Variants in SLC2A9 observed in about 807,000 individuals in gnomAD.
SLC2A9 encodes the protein solute carrier family 2 member 9.
In SLC2A9, 39 loss-of-function variants were observed where a neutral mutation model predicts 50.6. That is an observed-to-expected ratio of 0.77 (90% CI 0.60 to 1.01). The LOEUF (loss-of-function observed/expected upper bound fraction) is 1.01. Among genes scored for constraint, SLC2A9 ranks in the 50% least tolerant of loss-of-function variants. SLC2A9 has a pLI of 0.00. For synonymous variants in SLC2A9, 324 were observed against 276.9 expected (o/e 1.17, Z -1.69); for missense variants, 686 against 677.6 (o/e 1.01, Z -0.14).
chr4:9,881,916 G>C (rs910951174), intron 10 of SLC2A9, among the ~76,000 whole-genome samples: 2 of 152,240 alleles, frequency 1.3e-5, no homozygotes, highest in Non-Finnish European at 2.9e-5. Flanking sequence ...CAGCGCTGAA[G>C]TCATTCCCAT....
At chr4:9,938,327 AGT>A (rs1747486951) in intron 6 of SLC2A9, among the ~76,000 whole-genome samples, 1 of 139,874 alleles carries the variant, frequency 7.1e-6, no homozygotes, top group Non-Finnish European at 1.5e-5. Flanking sequence ...GCTGGAGTGC[AGT>A]GGTGTGATCT....
intron 10 of SLC2A9, among the ~76,000 whole-genome samples, chr4:9,857,639 G>A (rs1730942642): frequency 6.6e-6 from 1 of 152,224 alleles, no homozygotes; most frequent in African/African-American, 2.4e-5. Flanking sequence ...CCTGTGAGAT[G>A]ATGCAGTTGT....
intron 8 of SLC2A9, among the ~76,000 whole-genome samples, chr4:9,902,362 G>A (rs1423218062): frequency 6.6e-6 from 1 of 152,206 alleles, no homozygotes; most frequent in Non-Finnish European, 1.5e-5. Flanking sequence ...GAGTGCTGGA[G>A]GAAGAAGCAT....
At chr4:10,016,833 C>T (rs1327471058) in intron 2 of SLC2A9, among the ~76,000 whole-genome samples, 2 of 152,042 alleles carry the variant, frequency 1.3e-5, no homozygotes, top group African/African-American at 2.4e-5. Context: ...CCCCATGAAT[C>T]TGCCATGGCT....
chr4:9,916,498 T>A (rs1478823471), intron 7 of SLC2A9, among the ~76,000 whole-genome samples: 1 of 152,202 alleles, frequency 6.6e-6, no homozygotes, highest in Non-Finnish European at 1.5e-5. Flanking sequence ...AAAACAATGC[T>A]AGAAACAGTC....
chr4:9,873,987 T>G (rs1733875333), intron 10 of SLC2A9, among the ~76,000 whole-genome samples: 1 of 152,186 alleles, frequency 6.6e-6, no homozygotes, highest in South Asian at 2.1e-4. Context: ...AGCTCAAAAT[T>G]CTTTGGTGGC....
intron 5 of SLC2A9, among the ~76,000 whole-genome samples, chr4:9,943,715 G>A (rs1180324520): frequency 6.6e-6 from 1 of 152,176 alleles, no homozygotes; most frequent in African/African-American, 2.4e-5. Context: ...ATACATAGAA[G>A]TGGAATTTTC....
chr4:9,863,419 C>A (rs1731966793), intron 10 of SLC2A9, among the ~76,000 whole-genome samples: 1 of 151,978 alleles, frequency 6.6e-6, no homozygotes, highest in African/African-American at 2.4e-5. Flanking sequence ...AGTATCGGAG[C>A]CACTGTGCCC....
chr4:9,864,672 G>A (rs1310835285), intron 10 of SLC2A9, among the ~76,000 whole-genome samples: 3 of 152,190 alleles, frequency 2.0e-5, no homozygotes, highest in Non-Finnish European at 4.4e-5. Context: ...AAATTCTGCA[G>A]CTTCTCTACA....
upstream of SLC2A9, chr4:10,021,507 G>A (rs1037218260): frequency 4.4e-6 from 7 of 1,601,112 alleles, no homozygotes; most frequent in Admixed American, 8.5e-5. Context: ...TGAGGAGGCA[G>A]AGTCCACTGG....
chr4:9,985,833 T>C (rs1335179806), intron 3 of SLC2A9, 40 bp from the exon 4 acceptor site: 1 of 1,613,550 alleles, frequency 6.2e-7, no homozygotes. Context: ...TGTCTAACCA[T>C]GAGGCATGTC....
rs193279060 is a variant in SLC2A9 at position 9,941,390 on chromosome 4, C to T, written c.814+523G>A. 2.3e-3 allele frequency among the ~76,000 whole-genome samples: 344 copies of T among 152,326 alleles called. 2 individuals are homozygous for T. The highest frequency in any genetic ancestry group is 7.3e-3 in the African/African-American group (305 of 41,566). On this transcript the variant is annotated intron_variant, in intron 6 of 11. Coordinates refer to ENST00000264784, the MANE Select transcript of SLC2A9 (RefSeq NM_020041.3). ...AATGAGTGTATACTCCTTCCTCCCT[C>T]GAAGGACTGTTGGCAAGGTCCTGTG... is the stretch of plus-strand genomic sequence containing the variant.
chr4:9,946,174 G>A (rs1216128825), intron 5 of SLC2A9, among the ~76,000 whole-genome samples: 1 of 152,152 alleles, frequency 6.6e-6, no homozygotes, highest in Non-Finnish European at 1.5e-5. Flanking sequence ...GGAAAGAAAA[G>A]GATAGTCTTG....
intron 3 of SLC2A9, among the ~76,000 whole-genome samples, chr4:9,993,857 C>T (rs1305467356): frequency 6.6e-6 from 1 of 152,218 alleles, no homozygotes; most frequent in Non-Finnish European, 1.5e-5. Context: ...TCCTGGCCCC[C>T]TTTGCTTCCC....
chr4:9,952,416 G>A (rs565360268), intron 5 of SLC2A9, among the ~76,000 whole-genome samples: 21 of 152,212 alleles, frequency 1.4e-4, no homozygotes, highest in African/African-American at 4.8e-4. Flanking sequence ...TGATGTGCCT[G>A]CTCCTGGAGC....
At chr4:9,856,737 G>C (rs1361763839) in intron 10 of SLC2A9, among the ~76,000 whole-genome samples, 3 of 152,132 alleles carry the variant, frequency 2.0e-5, no homozygotes, top group Non-Finnish European at 2.9e-5. Flanking sequence ...CAGTAGACTG[G>C]ATAAAGAAAA....
intron 1 of SLC2A9, among the ~76,000 whole-genome samples, chr4:10,028,637 G>C (rs549769727): frequency 1.3e-5 from 2 of 152,294 alleles, no homozygotes; most frequent in East Asian, 3.9e-4. Flanking sequence ...CCTAAGTCAT[G>C]GTGCCTTCTA....
chr4:9,991,136 C>A (rs943084325), intron 3 of SLC2A9, among the ~76,000 whole-genome samples: 1 of 152,188 alleles, frequency 6.6e-6, no homozygotes, highest in Admixed American at 6.5e-5. Context: ...AGAGCTCCCC[C>A]AAGTGAGGCT....
downstream of SLC2A9, among the ~76,000 whole-genome samples, chr4:9,794,736 G>T (rs1720376480): frequency 6.6e-6 from 1 of 152,210 alleles, no homozygotes; most frequent in East Asian, 1.9e-4. Flanking sequence ...TTAAAGATGG[G>T]TTCTCATCAT....
Sources: allele counts gnomAD v4.1 joint callset (sites outside exome capture counted in the v4.1 genomes callset), GRCh38; gene constraint gnomAD v4.1.1; transcripts MANE v1.5; gene names NCBI Gene and HGNC (gene_info 2026-07-23, HGNC 2026-07-21).